RYR3: variants seen among roughly 807,000 people sequenced by gnomAD.
The protein encoded by RYR3 is brain ryanodine receptor-calcium release channel.
Under a neutral mutation model 584.3 loss-of-function variants are expected in RYR3, and 207 were observed. The ratio of observed to expected loss-of-function variants is 0.35; its 90% CI spans 0.32 to 0.40. The LOEUF (loss-of-function observed/expected upper bound fraction) is 0.40, where lower values mean the gene tolerates loss of function less well. Among genes scored for constraint, RYR3 ranks in the 10% least tolerant of loss-of-function variants. RYR3 has a pLI of 1.00. For synonymous variants in RYR3, 2,416 were observed against 2,248.5 expected (o/e 1.07, Z -2.11); for missense variants, 5,616 against 6,089.2 (o/e 0.92, Z 2.59).
At chr15:33,493,922 AATAATGATG>A (rs962138784) in intron 2 of RYR3, among the ~76,000 whole-genome samples, 1 of 147,650 alleles carries the variant, frequency 6.8e-6, no homozygotes, top group African/African-American at 2.7e-5. Context: ...GTCTCAAAAT[AATAATGATG>A]ATGATGATGA....
intron 1 of RYR3, among the ~76,000 whole-genome samples, chr15:33,459,460 C>T (rs1001493389): frequency 2.6e-5 from 4 of 152,024 alleles, no homozygotes; most frequent in Non-Finnish European, 5.9e-5. Flanking sequence ...CAAGTGGAGA[C>T]CAAATAGTCA....
At chr15:33,331,829 G>GT (rs1970409322) in intron 1 of RYR3, among the ~76,000 whole-genome samples, 1 of 152,018 alleles carries the variant, frequency 6.6e-6, no homozygotes, top group Non-Finnish European at 1.5e-5. Flanking sequence ...AACAATATGT[G>GT]TAAGTTGTGG....
chr15:33,777,551 C>G (rs2074075955), intron 64 of RYR3, among the ~76,000 whole-genome samples: 1 of 152,010 alleles, frequency 6.6e-6, no homozygotes, highest in Non-Finnish European at 1.5e-5. Flanking sequence ...TAAGAAGCTA[C>G]TTAGCACCAA....
intron 1 of RYR3, chr15:33,465,910 T>C (rs1030814729): frequency 6.5e-5 from 28 of 431,462 alleles, no homozygotes; most frequent in South Asian, 4.1e-4. Flanking sequence ...TCTCCGTCTC[T>C]TCCCTCCGTT....
At position 33,820,746 on chromosome 15, in the gene RYR3, T is replaced by C. The variant is rs1214695856; in HGVS notation, c.10759-10T>C. 22 of 1,603,454 alleles carry C rather than the reference T, an allele frequency of 1.4e-5. No homozygotes were observed. The highest frequency in any genetic ancestry group is 1.8e-5 in the Non-Finnish European group (21 of 1,174,720). On this transcript the variant is annotated splice_polypyrimidine_tract_variant and intron_variant, in intron 77 of 103. Transcript: ENST00000634891. ...TCTGTCTTCTCCCTTCCCTGCTCCA[T>C]GAAATCCAGAGTTGTCAAAGTGGTG...
chr15:33,583,134 C>G (rs1416092148), intron 14 of RYR3, among the ~76,000 whole-genome samples: 2 of 152,156 alleles, frequency 1.3e-5, no homozygotes, highest in Non-Finnish European at 2.9e-5. Context: ...AGGCCCACCC[C>G]CAGAGTTTCT....
chr15:33,807,574 A>T lies in RYR3; in HGVS notation c.10026+5A>T. 1 of 1,551,734 alleles carries T rather than the reference A, an allele frequency of 6.4e-7. No individual in the cohort carries two copies. The highest frequency in any genetic ancestry group is 8.7e-7 in the Non-Finnish European group (1 of 1,146,900). ...ACACAGGCCATGCAAGTAAAGGTACAGGTCAAATGCATGACGTGTCTTTTC... is the reference window on the plus strand; with the variant it reads ...ACACAGGCCATGCAAGTAAAGGTACTGGTCAAATGCATGACGTGTCTTTTC... On this transcript the variant is annotated splice_donor_5th_base_variant and intron_variant, in intron 70 of 103. Coordinates refer to ENST00000634891, the MANE Select transcript of RYR3 (RefSeq NM_001036.6).
In RYR3 at chr15:33,435,287, T is replaced by G. The variant is rs564011818; in HGVS notation, c.52-38132T>G. ...ACCTCTGATAATTATAATTTTTATA[T>G]AGATGTGTCATACTCTCTGTATTTT... On this transcript the variant is annotated intron_variant, in intron 1 of 103. Transcript: ENST00000634891. Among the ~76,000 whole-genome samples the G allele has an allele frequency of 1.1e-4, 17 of 152,284 alleles. No homozygotes were observed. The South Asian group carries it at 3.3e-3, about 30-fold the overall frequency.
At chr15:33,387,887 A>G (rs982154076) in intron 1 of RYR3, among the ~76,000 whole-genome samples, 3 of 152,166 alleles carry the variant, frequency 2.0e-5, no homozygotes, top group Admixed American at 2.0e-4. Context: ...GAGAGAAAAG[A>G]TAAGTTATAG....
intron 10 of RYR3, 27 bp from the exon 11 acceptor site, chr15:33,562,810 G>C: frequency 6.3e-7 from 1 of 1,577,110 alleles, no homozygotes; most frequent in Non-Finnish European, 8.7e-7. Flanking sequence ...CTATGCCTAT[G>C]TTTGTTTCTT....
At chr15:33,643,815 G>A (rs1362361663) in intron 27 of RYR3, among the ~76,000 whole-genome samples, 1 of 152,080 alleles carries the variant, frequency 6.6e-6, no homozygotes, top group African/African-American at 2.4e-5. Context: ...TAGTAAAAAG[G>A]CTGCTACAGT....
chr15:33,484,612 C>A (rs2050255662), intron 2 of RYR3, among the ~76,000 whole-genome samples: 1 of 140,548 alleles, frequency 7.1e-6, no homozygotes, highest in Non-Finnish European at 1.6e-5. Flanking sequence ...GCTTGGATTA[C>A]ATTGAATTCA....
chr15:33,804,628 T>C (rs2076086917), intron 69 of RYR3, among the ~76,000 whole-genome samples: 1 of 152,234 alleles, frequency 6.6e-6, no homozygotes. Flanking sequence ...AAAGATACCA[T>C]GCCTCCGATA....
At chr15:33,770,359 TTTTG>T (rs924946293) in intron 62 of RYR3, among the ~76,000 whole-genome samples, 19 of 152,162 alleles carry the variant, frequency 1.2e-4, no homozygotes, top group African/African-American at 4.3e-4. Flanking sequence ...GAGTCCAGTT[TTTTG>T]TTTGTTTGTT....
intron 38 of RYR3, among the ~76,000 whole-genome samples, chr15:33,692,338 T>C (rs1168734536): frequency 1.3e-5 from 2 of 152,316 alleles, no homozygotes; most frequent in African/African-American, 4.8e-5. Flanking sequence ...TGGTTGTGCC[T>C]GGGTTTGCTT....
At position 33,750,273 on chromosome 15, in the gene RYR3, A is replaced by T; in HGVS notation, c.8386A>T (p.Ile2796Phe). ...DLFKFLQVNG[I>F]IVSRGMKDME... ...GTTTAAGTTCCTCCAAGTGAATGGC[A>T]TCATAGTTTCCAGGTAAGTCACCTT... Residue 2796 changes from isoleucine (I) to phenylalanine (F), a missense_variant, in exon 57 of 104, where the codon ATC (isoleucine) becomes TTC (phenylalanine). Ile to Phe is a conservative substitution (Grantham distance 21, BLOSUM62 0). Around this residue, in one of 9 missense-constraint regions of RYR3, gnomAD observed 1,280 missense variants for 1,426.2 expected, o/e 0.90. Transcript: ENST00000634891. The T allele has an allele frequency of 6.2e-7, 1 of 1,611,012 alleles. No individual in the cohort carries two copies. Among genetic ancestry groups the T allele is most frequent in the Non-Finnish European group, 8.5e-7 (1 of 1,178,590 alleles).
chr15:33,492,267 G>A (rs2051026541), intron 2 of RYR3, among the ~76,000 whole-genome samples: 1 of 152,080 alleles, frequency 6.6e-6, no homozygotes, highest in Non-Finnish European at 1.5e-5. Context: ...GACAGTTGGA[G>A]GGGATGGGAT....
At chr15:33,615,083 C>T (rs1314472219) in intron 19 of RYR3, among the ~76,000 whole-genome samples, 1 of 152,136 alleles carries the variant, frequency 6.6e-6, no homozygotes, top group East Asian at 1.9e-4. Flanking sequence ...CCCTTCTTTC[C>T]CAAACTTTCC....
chr15:33,599,554 A>C (rs1052904916), intron 16 of RYR3, among the ~76,000 whole-genome samples: 1 of 152,210 alleles, frequency 6.6e-6, no homozygotes, highest in African/African-American at 2.4e-5. Context: ...AAATGGTTAC[A>C]TTCTTCTGAG....
Sources: gnomAD v4.1 joint callset for allele counts (sites outside exome capture counted in the v4.1 genomes callset) on GRCh38, gnomAD v4.1.1 for gene constraint, gnomAD v4.1.1 regional missense constraint, MANE v1.5 for transcripts, NCBI Gene and HGNC (gene_info 2026-07-23, HGNC 2026-07-21) for gene names.